The following USP28 variants were observed in gnomAD, a reference collection of about 807,000 sequenced individuals.
USP28 encodes the protein ubiquitin carboxyl-terminal hydrolase 28.
In USP28, 113 loss-of-function variants were observed where a neutral mutation model predicts 145.0. That is an observed-to-expected ratio of 0.78 (90% confidence interval 0.67 to 0.91). The LOEUF is 0.91. Among genes scored for constraint, USP28 ranks in the 40% least tolerant of loss-of-function variants. The pLI, the probability that USP28 is intolerant of heterozygous loss-of-function variation, is 0.00. For synonymous variants in USP28, 447 were observed against 450.9 expected, an observed-to-expected ratio of 0.99 and a Z score of 0.11; for missense variants, 1,201 against 1,289.6, an observed-to-expected ratio of 0.93 and a Z score of 1.05.
At chr11:113,829,116 T>G in intron 10 of USP28, 81 bp downstream of exon 10, 1 of 1,563,330 alleles carries the variant, frequency 6.4e-7, no homozygotes, top group Non-Finnish European at 8.7e-7. Flanking sequence ...TAATATGTGA[T>G]GGGAAACTAG....
chr11:113,798,867 T>C (rs1289906810), exon 25 of USP28: 1 of 155,648 alleles, frequency 6.4e-6, no homozygotes, highest in African/African-American at 2.4e-5. Flanking sequence ...TTCATCTGGT[T>C]CAGGTTCTCA....
At chr11:113,828,137 T>G (rs969070087) in intron 10 of USP28, among the ~76,000 whole-genome samples, 2 of 152,234 alleles carry the variant, frequency 1.3e-5, no homozygotes, top group Admixed American at 1.3e-4. Context: ...TTAAAATATT[T>G]CCTTTACCAC....
At chr11:113,803,367 C>G in intron 22 of USP28, 86 bp from the exon 24 acceptor site, 1 of 1,404,834 alleles carries the variant, frequency 7.1e-7, no homozygotes, top group Non-Finnish European at 9.5e-7. Flanking sequence ...ATTTCAAGAA[C>G]CTACTTGGCT....
chr11:113,851,963 A>C (rs1295685555), intron 3 of USP28, among the ~76,000 whole-genome samples: 1 of 152,204 alleles, frequency 6.6e-6, no homozygotes, highest in East Asian at 1.9e-4. Context: ...GGGCTTCAAG[A>C]GTGCTTGGCA....
At chr11:113,833,174 T>C (rs1944199184) in intron 7 of USP28, among the ~76,000 whole-genome samples, 1 of 152,192 alleles carries the variant, frequency 6.6e-6, no homozygotes, top group Non-Finnish European at 1.5e-5. Context: ...TAATTCTACA[T>C]TCTTTCTACT....
chr11:113,874,177 C>A (rs905855540), intron 1 of USP28, among the ~76,000 whole-genome samples: 1 of 145,588 alleles, frequency 6.9e-6, no homozygotes, highest in Non-Finnish European at 1.5e-5. Context: ...CCAGACTGGG[C>A]GCGGTGGCTC....
chr11:113,852,680 T>C (rs1314566506), intron 2 of USP28, 47 bp from the exon 3 acceptor site: 46 of 1,605,430 alleles, frequency 2.9e-5, no homozygotes, highest in Non-Finnish European at 3.9e-5. Flanking sequence ...ATCATAGAAT[T>C]TAAAACCAGT....
chr11:113,806,374 C>T, intron 19 of USP28, 115 bp downstream of exon 20: 1 of 813,432 alleles, frequency 1.2e-6, no homozygotes, highest in Non-Finnish European at 1.9e-6. Flanking sequence ...GCTGGGACTA[C>T]ATGCACACAC....
In USP28 at chr11:113,820,117, T is replaced by A. The variant is rs1403736114; in HGVS notation, c.1284-2280A>T. On this transcript the variant is annotated intron_variant, in intron 12 of 24. Coordinates refer to ENST00000003302, the Ensembl canonical transcript of USP28. ...CCAAAAAAATTTGCAACCTCCAGCA[T>A]AAATGAGTTAGAAACACTTTACAAA... 2.0e-5 allele frequency among the ~76,000 whole-genome samples: 3 copies of A among 152,232 alleles called. No individual in the cohort carries two copies. In the East Asian group the frequency reaches 5.8e-4, roughly 29 times the overall value.
intron 16 of USP28, among the ~76,000 whole-genome samples, chr11:113,809,801 G>A (rs1465431262): frequency 6.6e-6 from 1 of 152,212 alleles, no homozygotes; most frequent in Non-Finnish European, 1.5e-5. Context: ...GGGAGGCCAA[G>A]GCAGGCCAAT....
At chr11:113,854,277 A>G in exon 2 of USP28, 1 of 1,614,026 alleles carries the variant, frequency 6.2e-7, no homozygotes, top group Non-Finnish European at 8.5e-7. Context: ...TTCATGGAGA[A>G]AGGAAGGGTC....
chr11:113,805,888 T>G (rs1208034786), intron 19 of USP28, among the ~76,000 whole-genome samples: 1 of 152,142 alleles, frequency 6.6e-6, no homozygotes, highest in Non-Finnish European at 1.5e-5. Context: ...TGTTCATCAG[T>G]TGGACAGGAA....
At chr11:113,837,435 C>CCCAAAAATACA (rs1462322081) in intron 5 of USP28, among the ~76,000 whole-genome samples, 13 of 152,284 alleles carry the variant, frequency 8.5e-5, no homozygotes, top group Admixed American at 2.6e-4. Flanking sequence ...CCAGGCTGCA[C>CCCAAAAATACA]CCAAAAATAC....
chr11:113,808,183 T>G, intron 18 of USP28, 47 bp from the exon 19 acceptor site: 1 of 1,523,884 alleles, frequency 6.6e-7, no homozygotes. Flanking sequence ...ACAGGAGAAA[T>G]AAATAGGGGT....
At chr11:113,812,627 G>T in intron 15 of USP28, 123 bp from the exon 16 acceptor site, 1 of 844,424 alleles carries the variant, frequency 1.2e-6, no homozygotes, top group South Asian at 1.8e-5. Context: ...ACATCTTGTT[G>T]ATTCAAGATG....
At position 113,805,061 on chromosome 11, in the gene USP28, A is replaced by C. The variant is rs753799080; in HGVS notation, c.2401-15T>G. 2 of 1,611,180 alleles carry C rather than the reference A, an allele frequency of 1.2e-6. No homozygotes were observed. Among genetic ancestry groups the C allele is most frequent in the Non-Finnish European group, 1.7e-6 (2 of 1,179,358 alleles). On this transcript the variant is annotated splice_polypyrimidine_tract_variant and intron_variant, in intron 19 of 24. Transcript: ENST00000003302. The stretch of plus-strand genomic sequence containing the variant: ...TCATGGAATGCCTATTAAGGGCAGA[A>C]TCAATGGTTAGAAAATAGTGTGCTG...
chr11:113,870,054 C>T (rs555490868), intron 1 of USP28, among the ~76,000 whole-genome samples: 6 of 152,054 alleles, frequency 3.9e-5, no homozygotes, highest in African/African-American at 1.4e-4. Flanking sequence ...CCCAGCCACT[C>T]GGGAGGCTGA....
At chr11:113,831,930 C>A (rs757300567) in exon 8 of USP28, 1 of 1,613,860 alleles carries the variant, frequency 6.2e-7, no homozygotes, top group African/African-American at 1.3e-5. Flanking sequence ...TTAACATTAA[C>A]AGCTAGCTGG....
intron 8 of USP28, 144 bp from the exon 9 acceptor site, chr11:113,831,087 G>T: frequency 1.4e-6 from 1 of 713,548 alleles, no homozygotes; most frequent in Non-Finnish European, 2.4e-6. Flanking sequence ...GTAACAATTA[G>T]TTCAGTTCAA....
Sources: allele counts gnomAD v4.1 joint callset (sites outside exome capture counted in the v4.1 genomes callset), GRCh38; gene constraint gnomAD v4.1.1; transcripts MANE v1.5; gene names NCBI Gene and HGNC (gene_info 2026-07-23, HGNC 2026-07-21).